MTHFD2L: variants seen among roughly 807,000 people sequenced by gnomAD.
The protein encoded by MTHFD2L is bifunctional methylenetetrahydrofolate dehydrogenase/cyclohydrolase 2, mitochondrial.
MTHFD2L carries 29 observed loss-of-function variants against 34.9 expected under a neutral mutation model. The ratio of observed to expected loss-of-function variants is 0.83; its 90% CI spans 0.62 to 1.13. The LOEUF (loss-of-function observed/expected upper bound fraction) is 1.13. Among genes scored for constraint, MTHFD2L ranks in the 50% most tolerant of loss-of-function variants. MTHFD2L has a pLI of 0.00. For missense variants in MTHFD2L, 481 were observed against 446.5 expected (o/e 1.08, Z -0.70); for synonymous variants, 167 against 155.7 (o/e 1.07, Z -0.54).
chr4:74,217,956 C>G (rs1398215394), intron 5 of MTHFD2L, among the ~76,000 whole-genome samples: 1 of 152,116 alleles, frequency 6.6e-6, no homozygotes. Flanking sequence ...TCACCTGCCC[C>G]ATGCCCTTCT....
chr4:74,205,810 G>C (rs1381840322), intron 5 of MTHFD2L, among the ~76,000 whole-genome samples: 2 of 152,062 alleles, frequency 1.3e-5, no homozygotes, highest in African/African-American at 4.8e-5. Context: ...TCCTCCCAGA[G>C]CTATAGTCTT....
intron 6 of MTHFD2L, among the ~76,000 whole-genome samples, chr4:74,252,396 A>G (rs1056446997): frequency 6.6e-6 from 1 of 152,210 alleles, no homozygotes; most frequent in East Asian, 1.9e-4. Context: ...GACAAGGACA[A>G]ACAACAGACT....
chr4:74,144,201 C>T (rs1723448289), intron 1 of MTHFD2L, among the ~76,000 whole-genome samples: 1 of 152,084 alleles, frequency 6.6e-6, no homozygotes, highest in South Asian at 2.1e-4. Context: ...ACCTGTAATC[C>T]CAGCATTTTG....
intron 6 of MTHFD2L, among the ~76,000 whole-genome samples, chr4:74,246,844 G>C (rs1046582823): frequency 4.6e-5 from 7 of 152,174 alleles, no homozygotes; most frequent in Non-Finnish European, 7.3e-5. Context: ...CTGTATCTCT[G>C]TTTTGGTACC....
At chr4:74,182,444 C>G (rs1247560930) in intron 3 of MTHFD2L, among the ~76,000 whole-genome samples, 8 of 152,150 alleles carry the variant, frequency 5.3e-5, no homozygotes. Flanking sequence ...TGTATACAGG[C>G]CACGTTAGGA....
At chr4:74,256,180 A>G (rs561443058) in intron 6 of MTHFD2L, among the ~76,000 whole-genome samples, 3 of 152,038 alleles carry the variant, frequency 2.0e-5, no homozygotes, top group Non-Finnish European at 4.4e-5. Context: ...TGATTTTTTC[A>G]TAATAGCCAT....
At chr4:74,127,171 A>G (rs1285667089) in intron 1 of MTHFD2L, among the ~76,000 whole-genome samples, 1 of 152,150 alleles carries the variant, frequency 6.6e-6, no homozygotes, top group Non-Finnish European at 1.5e-5. Flanking sequence ...GTTTGGGGGC[A>G]GTTTTTTATA....
chr4:74,250,125 G>A (rs953838573), intron 6 of MTHFD2L, among the ~76,000 whole-genome samples: 4 of 152,068 alleles, frequency 2.6e-5, no homozygotes, highest in Admixed American at 6.6e-5. Context: ...CCAATCAGAC[G>A]CAGATTTGGT....
At chr4:74,286,461 A>C (rs1303946245) in intron 7 of MTHFD2L, among the ~76,000 whole-genome samples, 1 of 152,196 alleles carries the variant, frequency 6.6e-6, no homozygotes, top group Admixed American at 6.6e-5. Context: ...CTTTATTCTC[A>C]AAAGATAGAA....
intron 6 of MTHFD2L, among the ~76,000 whole-genome samples, chr4:74,275,726 G>GT (rs1490103796): frequency 6.6e-6 from 1 of 151,036 alleles, no homozygotes; most frequent in East Asian, 1.9e-4. Flanking sequence ...TTATGTGTAT[G>GT]TTGGCCACAT....
At chr4:74,253,115 G>A (rs189476070) in intron 6 of MTHFD2L, among the ~76,000 whole-genome samples, 4 of 152,230 alleles carry the variant, frequency 2.6e-5, no homozygotes, top group Admixed American at 2.0e-4. Context: ...CAGCTAAACT[G>A]TCACTCAGTA....
intron 1 of MTHFD2L, among the ~76,000 whole-genome samples, chr4:74,163,527 T>C (rs958917472): frequency 6.6e-6 from 1 of 152,212 alleles, no homozygotes; most frequent in African/African-American, 2.4e-5. Context: ...AATGAAAAGG[T>C]ATTTTACTTT....
At chr4:74,116,219 A>T (rs2109762820) in intron 2 of MTHFD2L, among the ~76,000 whole-genome samples, 1 of 152,298 alleles carries the variant, frequency 6.6e-6, no homozygotes, top group South Asian at 2.1e-4. Flanking sequence ...TGTGCACAGT[A>T]AGCAAAGGAG....
chr4:74,213,362 T>C (rs1479210905), intron 5 of MTHFD2L, among the ~76,000 whole-genome samples: 2 of 152,212 alleles, frequency 1.3e-5, no homozygotes, highest in Non-Finnish European at 2.9e-5. Flanking sequence ...TATTTAGTGC[T>C]TTCTTCAGGA....
chr4:74,287,384 C>T (rs1406119608), intron 7 of MTHFD2L, among the ~76,000 whole-genome samples: 1 of 151,852 alleles, frequency 6.6e-6, no homozygotes, highest in South Asian at 2.1e-4. Context: ...CCATTTTTTC[C>T]TTTTAAGTAT....
At chr4:74,292,094 A>G (rs1749035926) in intron 7 of MTHFD2L, among the ~76,000 whole-genome samples, 1 of 152,180 alleles carries the variant, frequency 6.6e-6, no homozygotes, top group African/African-American at 2.4e-5. Context: ...CACACTGAGC[A>G]TTTCACGAAA....
intron 1 of MTHFD2L, among the ~76,000 whole-genome samples, chr4:74,152,504 C>T (rs1657899753): frequency 6.6e-6 from 1 of 151,956 alleles, no homozygotes; most frequent in Non-Finnish European, 1.5e-5. Flanking sequence ...CTTTGACAGA[C>T]AAGCACAATA....
At chr4:74,116,668 T>A (rs1304620746) in intron 2 of MTHFD2L, among the ~76,000 whole-genome samples, 1 of 152,178 alleles carries the variant, frequency 6.6e-6, no homozygotes, top group East Asian at 1.9e-4. Flanking sequence ...AAAGTGTTCA[T>A]CCTTATTTTT....
At chr4:74,210,053 T>C (rs1736032827) in intron 5 of MTHFD2L, among the ~76,000 whole-genome samples, 1 of 152,090 alleles carries the variant, frequency 6.6e-6, no homozygotes, top group African/African-American at 2.4e-5. Flanking sequence ...GTTTTTTCTT[T>C]CTTTTAAATT....
Sources: gnomAD v4.1 joint callset for allele counts (sites outside exome capture counted in the v4.1 genomes callset) on GRCh38, gnomAD v4.1.1 for gene constraint, MANE v1.5 for transcripts, NCBI Gene and HGNC (gene_info 2026-07-23, HGNC 2026-07-21) for gene names.